The following ZBTB33 variants were observed in gnomAD, a reference collection of about 807,000 sequenced individuals.
ZBTB33 encodes the protein zinc finger and BTB domain containing 33, also known as transcriptional regulator Kaiso.
Under a neutral mutation model 25.9 loss-of-function variants are expected in ZBTB33, and 11 were observed. The observed-to-expected ratio is 0.42, with a 90% CI of 0.27 to 0.70. ZBTB33 has a LOEUF of 0.70. Ranked by LOEUF, ZBTB33 falls within the 30% of genes least tolerant of loss-of-function variation. ZBTB33 has a pLI of 0.23. For synonymous variants in ZBTB33, 157 were observed against 184.8 expected, an observed-to-expected ratio of 0.85 and a Z score of 1.22; for missense variants, 343 against 501.1, an observed-to-expected ratio of 0.68 and a Z score of 3.01.
chrX:120,255,625 C>CT lies in ZBTB33; in HGVS notation c.*192dup. On this transcript the variant is annotated 3_prime_UTR_variant, in exon 3 of 3. Transcript: ENST00000557385. ...AAGTTTTGAGTAGAGGTGAGACCCC[C>CT]TCCCCAAGTATCTGTTTATATAGTT... is the stretch of plus-strand genomic sequence containing the variant. 3 of 422,771 alleles carry CT rather than the reference C, an allele frequency of 7.1e-6. No individual in the cohort carries two copies. The Admixed American group carries it at 1.4e-4, about 19-fold the overall frequency. 34.8% of individuals were successfully genotyped at this position (422,771 alleles called of 1,213,427 possible).
Position 120,254,335 on chromosome X carries a change from ATTTAC to A in ZBTB33, c.923_927del (p.Leu308CysfsTer19). The A allele has an allele frequency of 8.3e-7, 1 of 1,211,736 alleles. No individual in the cohort carries two copies. The highest frequency in any genetic ancestry group is 1.1e-6 in the Non-Finnish European group (1 of 895,484). ...CCAAATCATATGCCCTCTTCAATCA[ATTTAC>A]TTGTGCAGAATCAGCAGACACCAAA... On this transcript the variant is annotated frameshift_variant, in exon 3 of 3. Coordinates refer to ENST00000557385, the MANE Select transcript of ZBTB33 (RefSeq NM_001184742.2). LOFTEE classifies it high-confidence loss of function.
At position 120,253,723 on chromosome X, in the gene ZBTB33, A is replaced by T; in HGVS notation, c.308A>T (p.Lys103Ile). The T allele has an allele frequency of 8.3e-7, 1 of 1,211,635 alleles. No individual in the cohort carries two copies. The highest frequency in any genetic ancestry group is 1.1e-6 in the Non-Finnish European group (1 of 895,495). Reference sequence around the variant, plus strand: ...TCAGATTTGCTTGATGAGTTAATTAAATCAGGGCAGTTATTAGGAGTGAAA... The same window carrying T: ...TCAGATTTGCTTGATGAGTTAATTATATCAGGGCAGTTATTAGGAGTGAAA... The part of the protein sequence containing the change: ...VRSDLLDELI[K>I]SGQLLGVKFI... The change falls in exon 3 of 3, where the codon AAA becomes ATA. Residue 103 changes from lysine (K) to isoleucine (I), a missense_variant. Around this residue, in one of 2 missense-constraint regions of ZBTB33, gnomAD observed 39 missense variants for 91.1 expected, o/e 0.43. Transcript: ENST00000557385.
chrX:120,251,734 C>T (rs1369131813), intron 1 of ZBTB33, among the ~76,000 whole-genome samples: 1 of 112,299 alleles, frequency 8.9e-6, no homozygotes, highest in African/African-American at 3.2e-5. Flanking sequence ...AATGGCTTTT[C>T]CACAGTCGAA....
intron 1 of ZBTB33, 131 bp downstream of exon 1, chrX:120,251,108 G>T (rs888158567): frequency 1.8e-5 from 2 of 111,759 alleles, no homozygotes; most frequent in Non-Finnish European, 3.8e-5. Flanking sequence ...CAGCTCCTCC[G>T]GCTCTTTCTT....
intron 1 of ZBTB33, among the ~76,000 whole-genome samples, chrX:120,251,222 G>A (rs2057597323): frequency 9.0e-6 from 1 of 111,523 alleles, no homozygotes; most frequent in African/African-American, 3.3e-5. Context: ...GGTAGGCCCC[G>A]GGGCTTGGGG....
At position 120,253,408 on chromosome X, in the gene ZBTB33, T is replaced by G. The variant is rs2057612168; in HGVS notation, c.-2-6T>G. On this transcript the variant is annotated splice_polypyrimidine_tract_variant and splice_region_variant and intron_variant, in intron 2 of 2. Coordinates refer to ENST00000557385, the MANE Select transcript of ZBTB33 (RefSeq NM_001184742.2). ...TCTCCCATCCCCTCCTCTCTTTCTC[T>G]TAAAGGCATGGAGAGTAGAAAACTG... The G allele has an allele frequency of 3.3e-6, 4 of 1,198,142 alleles. No homozygotes were observed. The highest frequency in any genetic ancestry group is 4.4e-5 in the Admixed American group (2 of 44,948).
In ZBTB33 at chrX:120,254,841, A is replaced by G. The variant is rs201556300; in HGVS notation, c.1426A>G (p.Met476Val). Residue 476 changes from methionine (M) to valine (V), a missense_variant, in exon 3 of 3, where the codon ATG becomes GTG. By Grantham distance (21) the Met-to-Val change is conservative. Around this residue, in one of 2 missense-constraint regions of ZBTB33, gnomAD observed 304 missense variants for 410.0 expected, o/e 0.74. Coordinates refer to ENST00000557385, the MANE Select transcript of ZBTB33 (RefSeq NM_001184742.2). ...TGGCAGCGAGATGGCAAACAAACGT[A>G]TGAAAGTAAAACATGATGATCACTA... is the stretch of plus-strand genomic sequence containing the variant. ...TSGSEMANKR[M>V]KVKHDDHYEL... 5.9e-5 allele frequency: 72 copies of G among 1,210,684 alleles called. No individual in the cohort carries two copies. The highest frequency in any genetic ancestry group is 7.6e-5 in the Non-Finnish European group (68 of 895,376).
Position 120,255,319 on chromosome X carries a change from A to G in ZBTB33, c.1904A>G (p.Asn635Ser). 2.5e-6 allele frequency: 3 copies of G among 1,211,763 alleles called. No homozygotes were observed. The highest frequency in any genetic ancestry group is 3.4e-6 in the Non-Finnish European group (3 of 895,240). ...PPVGTTTSTQ[N>S]KPMTWEDIFI... ...GTAGGGACCACTACATCTACTCAGA[A>G]CAAGCCAATGACCTGGGAAGATATT... is the stretch of plus-strand genomic sequence containing the variant. Residue 635 changes from asparagine (N) to serine (S), a missense_variant, in exon 3 of 3, where the codon AAC (asparagine) becomes AGC (serine). This residue lies in a region of ZBTB33 where 304 missense variants were observed against 410.0 expected (regional missense o/e 0.74). Transcript: ENST00000557385.
chrX:120,254,470 A>G lies in ZBTB33; in HGVS notation c.1055A>G (p.Asn352Ser), dbSNP rs782083562. 1.1e-5 allele frequency: 13 copies of G among 1,209,918 alleles called. No individual in the cohort carries two copies. The highest frequency in any genetic ancestry group is 2.3e-4 in the Middle Eastern group (1 of 4,376). The change falls in exon 3 of 3, where the codon AAT becomes AGT. Residue 352 changes from asparagine (N) to serine (S), a missense_variant. By Grantham distance (46) the Asn-to-Ser change is conservative. Around this residue, in one of 2 missense-constraint regions of ZBTB33, gnomAD observed 304 missense variants for 410.0 expected, o/e 0.74. Coordinates refer to ENST00000557385, the MANE Select transcript of ZBTB33 (RefSeq NM_001184742.2). ...ISSSPDSAVS[N>S]TSLVPQADTS... Reference sequence around the variant, plus strand: ...TCCAGTCCTGACTCGGCCGTCAGTAATACATCTTTGGTCCCACAGGCTGAT... The same window carrying G: ...TCCAGTCCTGACTCGGCCGTCAGTAGTACATCTTTGGTCCCACAGGCTGAT...
Position 120,254,362 on chromosome X carries a change from C to A in ZBTB33, c.947C>A (p.Pro316Gln). 1.7e-5 allele frequency: 21 copies of A among 1,211,442 alleles called. No individual in the cohort carries two copies. The highest frequency in any genetic ancestry group is 2.2e-5 in the Non-Finnish European group (20 of 895,416). The change falls in exon 3 of 3, where the codon CCA becomes CAA. Residue 316 changes from proline to glutamine, a missense_variant. Pro to Gln is a moderately conservative substitution (Grantham distance 76). Transcript: ENST00000557385. ...TTACTTGTGCAGAATCAGCAGACAC[C>A]AAACAGTGCTATTTTAACAGGAAAC... ...INLLVQNQQT[P>Q]NSAILTGNKA...
chrX:120,253,365 G>GT (rs782436931), intron 2 of ZBTB33, 49 bp from the exon 3 acceptor site: 1 of 1,077,213 alleles, frequency 9.3e-7, no homozygotes, highest in South Asian at 2.3e-5. Context: ...AAGTACTTTT[G>GT]TTTTTTCTCT....
chrX:120,253,697 A>G lies in ZBTB33; in HGVS notation c.282A>G (p.Arg94=). 8.3e-7 allele frequency: 1 copy of G among 1,211,863 alleles called. No individual in the cohort carries two copies. The highest frequency in any genetic ancestry group is 1.8e-5 in the South Asian group (1 of 56,998). Residue 94 remains arginine, a synonymous_variant, in exon 3 of 3, where the codon AGA becomes AGG. Transcript: ENST00000557385. The stretch of plus-strand genomic sequence containing the variant: ...ATAGTTCTAAAATTGTTCGTGTTAG[A>G]TCAGATTTGCTTGATGAGTTAATTA... ...YIYSSKIVRV[R]SDLLDELIKS...
intron 1 of ZBTB33, among the ~76,000 whole-genome samples, chrX:120,252,328 C>G (rs909839130): frequency 1.8e-5 from 2 of 109,929 alleles, no homozygotes; most frequent in Non-Finnish European, 1.9e-5. Flanking sequence ...TAAAATATAT[C>G]CATATATAAT....
Position 120,253,824 on chromosome X carries a change from C to T in ZBTB33, c.409C>T (p.Pro137Ser). ...TACAGCGCAGGATGGTAATACTGAGCCTTTACCTCCTGATTCTGGTGACAA... is the reference window on the plus strand; with the variant it reads ...TACAGCGCAGGATGGTAATACTGAGTCTTTACCTCCTGATTCTGGTGACAA... ...SGTAQDGNTE[P>S]LPPDSGDKNL... The change falls in exon 3 of 3, where the codon CCT (proline) becomes TCT (serine). Residue 137 changes from proline to serine, a missense_variant. Around this residue, in one of 2 missense-constraint regions of ZBTB33, gnomAD observed 304 missense variants for 410.0 expected, o/e 0.74. Transcript: ENST00000557385. 1 of 1,210,927 alleles carries T rather than the reference C, an allele frequency of 8.3e-7. No individual in the cohort carries two copies. Among genetic ancestry groups the T allele is most frequent in the Non-Finnish European group, 1.1e-6 (1 of 895,287 alleles).
Position 120,253,997 on chromosome X carries a change from T to TGAC in ZBTB33, c.583_584insACG (p.Asp194dup), listed in dbSNP as rs782400581. 4.1e-6 allele frequency: 5 copies of TGAC among 1,208,649 alleles called. No homozygotes were observed. The highest frequency in any genetic ancestry group is 4.5e-6 in the Non-Finnish European group (4 of 893,492). ...CCGATTCTGATGATGATGATGATGA[T>TGAC]GTCATTTTTTGCTCCGAGATTCTGC... On this transcript the variant is annotated inframe_insertion, in exon 3 of 3. Transcript: ENST00000557385.
In ZBTB33 at chrX:120,253,778, A is replaced by C. The variant is rs782022891; in HGVS notation, c.363A>C (p.Ser121=). The C allele has an allele frequency of 7.4e-6, 9 of 1,209,896 alleles. No individual in the cohort carries two copies. In the Admixed American group the frequency reaches 1.1e-4, roughly 15 times the overall value. ...KFIAELGVPL[S]QVKSISGTAQ... ...TAGCAGAGCTTGGTGTCCCATTGTCACAGGTTAAAAGCATCTCAGGTACAG... is the reference window on the plus strand; with the variant it reads ...TAGCAGAGCTTGGTGTCCCATTGTCCCAGGTTAAAAGCATCTCAGGTACAG... Residue 121 remains serine (S), a synonymous_variant, in exon 3 of 3, where the codon TCA becomes TCC. Transcript: ENST00000557385.
intron 1 of ZBTB33, among the ~76,000 whole-genome samples, chrX:120,252,290 T>C (rs1274721213): frequency 9.0e-6 from 1 of 111,125 alleles, no homozygotes; most frequent in Non-Finnish European, 1.9e-5. Context: ...ACTTGTCAAC[T>C]AATTGTTAAT....
Sources: gnomAD v4.1 joint callset for allele counts (sites outside exome capture counted in the v4.1 genomes callset) on GRCh38, gnomAD v4.1.1 for gene constraint, gnomAD v4.1.1 regional missense constraint, MANE v1.5 for transcripts, NCBI Gene and HGNC (gene_info 2026-07-23, HGNC 2026-07-21) for gene names.